ALK: variants seen among roughly 807,000 people sequenced by gnomAD.
ALK encodes the protein ALK receptor tyrosine kinase, also known as ALK tyrosine kinase receptor.
ALK carries 74 observed loss-of-function variants against 163.1 expected under a neutral mutation model. That is an observed-to-expected ratio of 0.45 (90% confidence interval 0.38 to 0.55). The LOEUF (loss-of-function observed/expected upper bound fraction) is 0.55, where lower values mean the gene tolerates loss of function less well. Among genes scored for constraint, ALK ranks in the 20% least tolerant of loss-of-function variants. The pLI is 0.00. For missense variants in ALK, 2,063 were observed against 2,105.3 expected (o/e 0.98, Z 0.39); for synonymous variants, 960 against 843.2 (o/e 1.14, Z -2.40).
At chr2:29,695,220 A>G (rs1678519730) in intron 2 of ALK, among the ~76,000 whole-genome samples, 1 of 152,190 alleles carries the variant, frequency 6.6e-6, no homozygotes, top group Non-Finnish European at 1.5e-5. Context: ...AACTCATATT[A>G]CGGGAGATGT....
At chr2:29,440,002 C>A (rs1356566129) in intron 4 of ALK, among the ~76,000 whole-genome samples, 1 of 152,030 alleles carries the variant, frequency 6.6e-6, no homozygotes, top group Non-Finnish European at 1.5e-5. Context: ...GAGGCCAAGG[C>A]AGGAGGATCA....
At chr2:29,612,153 G>A (rs531953482) in intron 3 of ALK, among the ~76,000 whole-genome samples, 1 of 152,256 alleles carries the variant, frequency 6.6e-6, no homozygotes, top group South Asian at 2.1e-4. Flanking sequence ...TGCCTTCAAT[G>A]TTAATGGCCT....
intron 13 of ALK, among the ~76,000 whole-genome samples, chr2:29,238,025 A>ATGTGCACATGTGCTGTGTT: frequency 6.6e-6 from 1 of 152,214 alleles, no homozygotes; most frequent in Middle Eastern, 3.4e-3. Context: ...AGGGCTGTGT[A>ATGTGCACATGTGCTGTGTT]TGTGCACATG....
intron 3 of ALK, among the ~76,000 whole-genome samples, chr2:29,593,253 T>A (rs1188698946): frequency 6.6e-6 from 1 of 152,140 alleles, no homozygotes; most frequent in Non-Finnish European, 1.5e-5. Flanking sequence ...AGGATAAGGA[T>A]GTCAGGAGGT....
At chr2:29,220,259 T>A (rs11690326) in intron 23 of ALK, among the ~76,000 whole-genome samples, 1 of 151,846 alleles carries the variant, frequency 6.6e-6, no homozygotes, top group Non-Finnish European at 1.5e-5. Context: ...CCTGGTTGTT[T>A]AAAAGTGTAC....
At chr2:29,594,893 AT>A in intron 3 of ALK, among the ~76,000 whole-genome samples, 4 of 27,272 alleles carry the variant, frequency 1.5e-4, no homozygotes, top group African/African-American at 1.7e-4. Context: ...CTAAACAAAA[AT>A]GGGGGGTGGG....
intron 5 of ALK, among the ~76,000 whole-genome samples, chr2:29,329,033 T>C (rs1208343592): frequency 1.3e-5 from 2 of 152,190 alleles, no homozygotes; most frequent in Non-Finnish European, 2.9e-5. Context: ...GATCTGGACT[T>C]GGATCCTCCT....
Position 29,223,324 on chromosome 2 carries a change from C to T in ALK, c.3359+18G>A, listed in dbSNP as rs373046668. 1.5e-4 allele frequency: 250 copies of T among 1,613,640 alleles called. No homozygotes were observed. Among genetic ancestry groups the T allele is most frequent in the Non-Finnish European group, 1.9e-4 (230 of 1,179,884 alleles). Reference sequence around the variant, plus strand: ...ACACTGCACCCCTCTCCTCCCAGGACGGCAGCAGGGCGCTCACCGAATGAG... The same window carrying T: ...ACACTGCACCCCTCTCCTCCCAGGATGGCAGCAGGGCGCTCACCGAATGAG... On this transcript the variant is annotated intron_variant, in intron 20 of 28. Coordinates refer to ENST00000389048, the MANE Select transcript of ALK (RefSeq NM_004304.5).
At chr2:29,730,257 GTAC>G (rs1679703793) in intron 1 of ALK, among the ~76,000 whole-genome samples, 2 of 152,212 alleles carry the variant, frequency 1.3e-5, no homozygotes, top group Admixed American at 6.5e-5. Flanking sequence ...ACACTAGTGT[GTAC>G]CCTCAGCACA....
chr2:29,377,126 G>GT (rs1425435204), intron 5 of ALK, among the ~76,000 whole-genome samples: 2 of 152,078 alleles, frequency 1.3e-5, no homozygotes, highest in African/African-American at 2.4e-5. Context: ...CCTATTTTTG[G>GT]TTTTCATATT....
At position 29,263,383 on chromosome 2, in the gene ALK, C is replaced by G. The variant is rs1442830322; in HGVS notation, c.2041+11716G>C. Among the ~76,000 whole-genome samples, 3 of 152,192 alleles carry G rather than the reference C, an allele frequency of 2.0e-5. No homozygotes were observed. In the East Asian group the frequency reaches 5.8e-4, roughly 29 times the overall value. On this transcript the variant is annotated intron_variant, in intron 11 of 28. Coordinates refer to ENST00000389048, the MANE Select transcript of ALK (RefSeq NM_004304.5). Reference sequence around the variant, plus strand: ...GGTTCTAACTCATGATGACTGAAATCTCTACAAGGCCCTTGGAATTGTAAC... The same window carrying G: ...GGTTCTAACTCATGATGACTGAAATGTCTACAAGGCCCTTGGAATTGTAAC...
At chr2:29,241,020 T>G (rs1664509378) in intron 12 of ALK, among the ~76,000 whole-genome samples, 1 of 152,182 alleles carries the variant, frequency 6.6e-6, no homozygotes. Flanking sequence ...CCACGGCCCT[T>G]CTGCAGAGGC....
chr2:29,520,866 C>A (rs1018207562), intron 4 of ALK, among the ~76,000 whole-genome samples: 1 of 152,032 alleles, frequency 6.6e-6, no homozygotes, highest in South Asian at 2.1e-4. Flanking sequence ...CAGGGATCCC[C>A]TAAAGGATTT....
intron 3 of ALK, among the ~76,000 whole-genome samples, chr2:29,573,146 A>G (rs919891945): frequency 4.6e-4 from 70 of 152,204 alleles, no homozygotes; most frequent in Non-Finnish European, 7.2e-4. Context: ...TACTTGTAAA[A>G]CAAGACTGTG....
chr2:29,365,514 T>C (rs1668482806), intron 5 of ALK, among the ~76,000 whole-genome samples: 1 of 152,182 alleles, frequency 6.6e-6, no homozygotes, highest in African/African-American at 2.4e-5. Flanking sequence ...ATTCTACAGA[T>C]GATGGGGACC....
chr2:29,764,659 C>T lies in ALK; in HGVS notation c.668-46962G>A, dbSNP rs73922254. ...ATCCCATTAGGGTGGGCAGGGACTCCCAAAAGCAAAGACATTCAAGTCCAG... is the reference window on the plus strand; with the variant it reads ...ATCCCATTAGGGTGGGCAGGGACTCTCAAAAGCAAAGACATTCAAGTCCAG... On this transcript the variant is annotated intron_variant, in intron 1 of 28. Coordinates refer to ENST00000389048, the MANE Select transcript of ALK (RefSeq NM_004304.5). Among the ~76,000 whole-genome samples the T allele has an allele frequency of 2.0e-3, 310 of 152,184 alleles. 1 individual carries two copies. The highest frequency in any genetic ancestry group is 5.9e-3 in the African/African-American group (246 of 41,508).
In ALK at chr2:29,362,680, G is replaced by A. The variant is rs79584758; in HGVS notation, c.1282+21052C>T. The stretch of plus-strand genomic sequence containing the variant: ...TCCTCCCCCATTTCCACAGCACTGC[G>A]TCTCATTCACCTCACTATATTGTAG... On this transcript the variant is annotated intron_variant, in intron 5 of 28. Coordinates refer to ENST00000389048, the MANE Select transcript of ALK (RefSeq NM_004304.5). 4.7e-3 allele frequency among the ~76,000 whole-genome samples: 715 copies of A among 152,216 alleles called. 8 individuals carry two copies. Among genetic ancestry groups the A allele is most frequent in the African/African-American group, 0.016 (685 of 41,520 alleles).
chr2:29,533,334 G>C (rs2148159957), intron 3 of ALK, among the ~76,000 whole-genome samples: 1 of 152,334 alleles, frequency 6.6e-6, no homozygotes, highest in South Asian at 2.1e-4. Flanking sequence ...AAAGGGATTA[G>C]AACCAAAGAC....
chr2:29,802,571 G>A (rs1572391590), intron 1 of ALK, among the ~76,000 whole-genome samples: 1 of 52,080 alleles, frequency 1.9e-5, no homozygotes, highest in Non-Finnish European at 4.6e-5. Flanking sequence ...GGGGAGGGGA[G>A]GGGAGGGGAG....
Sources: allele counts gnomAD v4.1 joint callset (sites outside exome capture counted in the v4.1 genomes callset), GRCh38; gene constraint gnomAD v4.1.1; transcripts MANE v1.5; gene names NCBI Gene and HGNC (gene_info 2026-07-23, HGNC 2026-07-21).